The following TAFA4 variants were observed in gnomAD, a reference collection of about 807,000 sequenced individuals.
The protein encoded by TAFA4 is chemokine-like protein TAFA-4.
TAFA4 carries 20 observed loss-of-function variants against 21.1 expected under a neutral mutation model. The observed-to-expected ratio is 0.95, with a 90% confidence interval of 0.67 to 1.38. The LOEUF is 1.38. Ranked by LOEUF, TAFA4 falls within the 40% of genes most tolerant of loss-of-function variation. The pLI, the probability that TAFA4 is intolerant of heterozygous loss-of-function variation, is 0.00. For missense variants in TAFA4, 211 were observed against 180.9 expected, an observed-to-expected ratio of 1.17 and a Z score of -0.95; for synonymous variants, 71 against 67.4, an observed-to-expected ratio of 1.05 and a Z score of -0.26.
chr3:68,754,700 A>C (rs1415414083), intron 3 of TAFA4, among the ~76,000 whole-genome samples: 1 of 152,188 alleles, frequency 6.6e-6, no homozygotes, highest in Non-Finnish European at 1.5e-5. Flanking sequence ...AATATATCCC[A>C]TTCTTTATCA....
chr3:68,785,879 G>A (rs950551007), intron 3 of TAFA4, among the ~76,000 whole-genome samples: 1 of 152,218 alleles, frequency 6.6e-6, no homozygotes, highest in African/African-American at 2.4e-5. Context: ...AATGTTAAAT[G>A]CACACCCTCT....
chr3:68,868,264 C>G (rs1038541828), intron 3 of TAFA4, among the ~76,000 whole-genome samples: 2 of 151,792 alleles, frequency 1.3e-5, no homozygotes, highest in Non-Finnish European at 2.9e-5. Flanking sequence ...CACTATATAA[C>G]GATAAAGGGG....
chr3:68,763,068 T>C (rs1419549317), intron 3 of TAFA4, among the ~76,000 whole-genome samples: 3 of 152,206 alleles, frequency 2.0e-5, no homozygotes, highest in Non-Finnish European at 2.9e-5. Flanking sequence ...ACAGTGATGT[T>C]TGAGAGCTGC....
intron 1 of TAFA4, among the ~76,000 whole-genome samples, chr3:68,913,034 T>C (rs2089974124): frequency 6.6e-6 from 1 of 152,210 alleles, no homozygotes; most frequent in South Asian, 2.1e-4. Context: ...AGATCAATTC[T>C]TTGGGGTTCT....
At chr3:68,758,486 C>A (rs1702701107) in intron 3 of TAFA4, among the ~76,000 whole-genome samples, 1 of 152,206 alleles carries the variant, frequency 6.6e-6, no homozygotes, top group African/African-American at 2.4e-5. Context: ...CTCTTGCCTG[C>A]TGCCACGTTA....
Position 68,923,571 on chromosome 3 carries a change from G to T in TAFA4, c.-123+8669C>A, listed in dbSNP as rs961629166. 1.1e-4 allele frequency among the ~76,000 whole-genome samples: 17 copies of T among 152,124 alleles called. 1 individual carries two copies. The highest frequency in any genetic ancestry group is 1.1e-3 in the Admixed American group (17 of 15,274). Reference sequence around the variant, plus strand: ...GGCTGCATGATTATCAATTGACAAAGGATTTGAGGCAGCACTAATATTAAC... The same window carrying T: ...GGCTGCATGATTATCAATTGACAAATGATTTGAGGCAGCACTAATATTAAC... On this transcript the variant is annotated intron_variant, in intron 1 of 5. Transcript: ENST00000295569.
intron 3 of TAFA4, among the ~76,000 whole-genome samples, chr3:68,861,030 A>ACCCCCCCCCCCCCCCCCCC (rs113804738): frequency 2.7e-5 from 3 of 111,022 alleles, no homozygotes; most frequent in Non-Finnish European, 1.9e-5. Context: ...TTAAATATGC[A>ACCCCCCCCCCCCCCCCCCC]CCCCCCCCCC....
At chr3:68,911,517 A>G (rs1478968052) in intron 1 of TAFA4, among the ~76,000 whole-genome samples, 1 of 152,218 alleles carries the variant, frequency 6.6e-6, no homozygotes, top group East Asian at 1.9e-4. Context: ...GCTGTGAGAG[A>G]GGTTAAATGA....
intron 1 of TAFA4, among the ~76,000 whole-genome samples, chr3:68,926,019 G>A (rs1192053019): frequency 6.6e-6 from 1 of 152,136 alleles, no homozygotes; most frequent in Non-Finnish European, 1.5e-5. Context: ...ATTACTTGAG[G>A]TCAGGAGTTC....
chr3:68,918,426 T>C (rs1356995641), intron 1 of TAFA4, among the ~76,000 whole-genome samples: 1 of 152,194 alleles, frequency 6.6e-6, no homozygotes, highest in African/African-American at 2.4e-5. Flanking sequence ...TCATCCTCAC[T>C]CAATCTACTT....
At chr3:68,880,641 A>T (rs991545721) in intron 3 of TAFA4, 89 bp downstream of exon 3, 2 of 1,041,730 alleles carry the variant, frequency 1.9e-6, no homozygotes, top group African/African-American at 3.1e-5. Flanking sequence ...TCAGAAGCTC[A>T]CATCAGTTAT....
At chr3:68,799,432 C>G (rs1703524790) in intron 3 of TAFA4, among the ~76,000 whole-genome samples, 2 of 152,034 alleles carry the variant, frequency 1.3e-5, no homozygotes, top group African/African-American at 4.8e-5. Context: ...TCCCAAAGAC[C>G]CCACCTCTTA....
intron 3 of TAFA4, among the ~76,000 whole-genome samples, chr3:68,790,970 TATA>T (rs1242403202): frequency 6.6e-6 from 1 of 152,164 alleles, no homozygotes; most frequent in Non-Finnish European, 1.5e-5. Context: ...TGCAAACTCT[TATA>T]AGCACATGTG....
At chr3:68,855,084 G>C (rs1181195000) in intron 3 of TAFA4, among the ~76,000 whole-genome samples, 1 of 152,168 alleles carries the variant, frequency 6.6e-6, no homozygotes, top group African/African-American at 2.4e-5. Flanking sequence ...CTGTATGAAA[G>C]CTAAGTAAGA....
chr3:68,904,518 G>C (rs1312721082), intron 1 of TAFA4, among the ~76,000 whole-genome samples: 2 of 152,226 alleles, frequency 1.3e-5, no homozygotes, highest in South Asian at 2.1e-4. Flanking sequence ...AATTTATATT[G>C]CAAGTGTCTA....
chr3:68,880,080 A>ACACAC (rs1559552327), intron 3 of TAFA4, among the ~76,000 whole-genome samples: 26 of 141,812 alleles, frequency 1.8e-4, no homozygotes, highest in African/African-American at 6.5e-4. Context: ...CACACACACA[A>ACACAC]ACACACAAAC....
At chr3:68,918,367 C>A (rs919952120) in intron 1 of TAFA4, among the ~76,000 whole-genome samples, 6 of 152,284 alleles carry the variant, frequency 3.9e-5, no homozygotes, top group Non-Finnish European at 8.8e-5. Context: ...GCTTGTCCTA[C>A]CTCCAGATAG....
At chr3:68,901,454 G>T (rs371027498) in intron 1 of TAFA4, among the ~76,000 whole-genome samples, 7 of 152,110 alleles carry the variant, frequency 4.6e-5, no homozygotes, top group African/African-American at 1.7e-4. Context: ...CTAATTAGTT[G>T]TAGAGCTGGG....
At chr3:68,816,737 T>C (rs993086753) in intron 3 of TAFA4, among the ~76,000 whole-genome samples, 1 of 152,152 alleles carries the variant, frequency 6.6e-6, no homozygotes, top group Non-Finnish European at 1.5e-5. Flanking sequence ...ACCACCAGAA[T>C]AGAGCAAATG....
Sources: gnomAD v4.1 joint callset for allele counts (sites outside exome capture counted in the v4.1 genomes callset) on GRCh38, gnomAD v4.1.1 for gene constraint, MANE v1.5 for transcripts, NCBI Gene and HGNC (gene_info 2026-07-23, HGNC 2026-07-21) for gene names.